Variants in ZFP2 observed in about 807,000 individuals in gnomAD.
ZFP2 encodes zinc finger protein ZFP2.
ZFP2 carries 33 observed loss-of-function variants against 36.1 expected under a neutral mutation model. That is an observed-to-expected ratio of 0.92 (90% CI 0.69 to 1.22). ZFP2 has a LOEUF of 1.22. ZFP2 is among the 50% of genes most tolerant of loss of function. The probability of loss-of-function intolerance (pLI) is 0.00; values close to 1 mark genes in which losing one functional copy is unlikely to be tolerated. For missense variants in ZFP2, 522 were observed against 551.4 expected, an observed-to-expected ratio of 0.95 and a Z score of 0.53; for synonymous variants, 170 against 178.0, an observed-to-expected ratio of 0.96 and a Z score of 0.36.
intron 4 of ZFP2, among the ~76,000 whole-genome samples, chr5:178,917,945 A>G (rs886501551): frequency 3.9e-5 from 6 of 152,354 alleles, no homozygotes; most frequent in African/African-American, 1.4e-4. Context: ...GCTTTCCCTT[A>G]GATAGTCCTA....
rs934726935 is a variant in ZFP2 at position 178,932,133 on chromosome 5, C to G, written c.820C>G (p.Gln274Glu). The change falls in exon 5 of 5, where the codon CAA becomes GAA. Residue 274 changes from glutamine to glutamate, a missense_variant. Transcript: ENST00000361362. ...TGGAGAAAAACCCTATGAGTGTAGT[C>G]AATGTGGAAAAGCCTTTAGTAAGAG... Reference protein sequence around the residue: ...HTGEKPYECSQCGKAFSKSST... With the variant: ...HTGEKPYECSECGKAFSKSST... 2 of 1,612,562 alleles carry G rather than the reference C, an allele frequency of 1.2e-6. No individual in the cohort carries two copies. The highest frequency in any genetic ancestry group is 2.7e-5 in the African/African-American group (2 of 74,824).
intron 1 of ZFP2, among the ~76,000 whole-genome samples, chr5:178,906,660 A>AT (rs1224684504): frequency 1.3e-5 from 2 of 151,416 alleles, no homozygotes; most frequent in East Asian, 3.9e-4. Flanking sequence ...GGTTCAAGTG[A>AT]TTTTCCAGCC....
At chr5:178,898,737 G>A (rs1456444376) in intron 1 of ZFP2, among the ~76,000 whole-genome samples, 1 of 152,170 alleles carries the variant, frequency 6.6e-6, no homozygotes, top group Non-Finnish European at 1.5e-5. Context: ...GGGCCTCACT[G>A]CTCAGGACAG....
intron 1 of ZFP2, among the ~76,000 whole-genome samples, chr5:178,903,786 G>A (rs953420309): frequency 1.3e-5 from 2 of 152,038 alleles, no homozygotes; most frequent in African/African-American, 2.4e-5. Context: ...TGGCCAATAC[G>A]GTGAAACTCC....
chr5:178,933,134 T>C lies in ZFP2; in HGVS notation c.*435T>C, dbSNP rs1179601995. The C allele has an allele frequency of 5.8e-6, 1 of 171,568 alleles. No homozygotes were observed. 10.6% of individuals were successfully genotyped at this position (171,568 alleles called of 1,614,324 possible). A position where few individuals can be genotyped will look rare whatever the true frequency, so the allele number is the denominator to read the frequency against. ...GGTTCTTTATTTGGTAAATGAATGA[T>C]TTTGGAGTTAGAAATCTTGTAGGAG... On this transcript the variant is annotated 3_prime_UTR_variant, in exon 5 of 5. Transcript: ENST00000361362.
At chr5:178,913,863 T>C (rs1429364492) in intron 3 of ZFP2, 1 of 149,634 alleles carries the variant, frequency 6.7e-6, no homozygotes, top group Non-Finnish European at 1.5e-5. Flanking sequence ...TTTTTCTTTT[T>C]TTTTTTTTTT....
Position 178,931,692 on chromosome 5 carries a change from G to T in ZFP2, c.379G>T (p.Glu127Ter). 6.2e-7 allele frequency: 1 copy of T among 1,614,182 alleles called. No individual in the cohort carries two copies. Among genetic ancestry groups the T allele is most frequent in the South Asian group, 1.1e-5 (1 of 91,082 alleles). The change falls in exon 5 of 5, where the codon GAG becomes TAG. Residue 127 changes from glutamate (E) to a stop codon, truncating the protein, a stop_gained. Transcript: ENST00000361362. LOFTEE classifies it high-confidence loss of function. ...LLKHQRIHTG[E>*]KPYKCNVCGK... ...TAAGCACCAGAGGATTCATACTGGG[G>T]AGAAACCCTATAAGTGTAATGTATG...
chr5:178,922,714 A>C, intron 4 of ZFP2: 1 of 1,578,198 alleles, frequency 6.3e-7, no homozygotes, highest in Non-Finnish European at 8.7e-7. Context: ...ACATACAAGA[A>C]CAATTAACTG....
chr5:178,901,775 G>GC (rs1242124559), intron 1 of ZFP2, among the ~76,000 whole-genome samples: 1 of 104,934 alleles, frequency 9.5e-6, no homozygotes, highest in Non-Finnish European at 2.3e-5. Context: ...GGTGGAAAAT[G>GC]CATCTTGTGG....
chr5:178,918,819 G>A (rs891917497), intron 4 of ZFP2, among the ~76,000 whole-genome samples: 1 of 152,148 alleles, frequency 6.6e-6, no homozygotes, highest in South Asian at 2.1e-4. Context: ...AATGCTTTGT[G>A]CTTTATAAAG....
At position 178,912,165 on chromosome 5, in the gene ZFP2, AAAG is replaced by A. The variant is rs538235325; in HGVS notation, c.-449-416_-449-414del. ...TAGGAAAGAGAAAGAAAAGAAAAGAAAAGAACGAGGGCTGGGCTGTGACTGTAT... is the reference window on the plus strand; with the variant it reads ...TAGGAAAGAGAAAGAAAAGAAAAGAAAACGAGGGCTGGGCTGTGACTGTAT... On this transcript the variant is annotated intron_variant, in intron 1 of 4. Coordinates refer to ENST00000361362, the MANE Select transcript of ZFP2 (RefSeq NM_030613.4). Among the ~76,000 whole-genome samples the A allele has an allele frequency of 1.3e-4, 20 of 152,296 alleles. No homozygotes were observed. In the South Asian group the frequency reaches 4.1e-3, roughly 32 times the overall value.
At chr5:178,903,783 T>G (rs956839966) in intron 1 of ZFP2, among the ~76,000 whole-genome samples, 11 of 152,100 alleles carry the variant, frequency 7.2e-5, no homozygotes, top group African/African-American at 2.7e-4. Context: ...TCCTGGCCAA[T>G]ACGGTGAAAC....
Position 178,931,305 on chromosome 5 carries a change from G to C in ZFP2, c.-9G>C. ...GGGTATTACTGAAGATTTATGCCAT[G>C]GGGTAACAATGGAAAGGGAAGGTAT... On this transcript the variant is annotated 5_prime_UTR_variant, in exon 5 of 5. An upstream start codon of the reference 5' UTR is lost. Coordinates refer to ENST00000361362, the MANE Select transcript of ZFP2 (RefSeq NM_030613.4). 6.3e-7 allele frequency: 1 copy of C among 1,575,676 alleles called. No homozygotes were observed. Among genetic ancestry groups the C allele is most frequent in the African/African-American group, 1.4e-5 (1 of 72,954 alleles).
In ZFP2 at chr5:178,922,089, T is replaced by A. The variant is rs944218381; in HGVS notation, c.-78+5379T>A. ...ATGAAAGATACCGATATCAAGAGAC[T>A]ACTGTATACCCATCTTTTATGCATA... On this transcript the variant is annotated intron_variant, in intron 4 of 4. Transcript: ENST00000361362. 4 of 1,063,222 alleles carry A rather than the reference T, an allele frequency of 3.8e-6. 1 individual carries two copies. Among genetic ancestry groups the A allele is most frequent in the Non-Finnish European group, 5.9e-6 (4 of 681,760 alleles). The allele number at this position is 1,063,222 out of a possible 1,614,324, so 65.9% of individuals were successfully genotyped here. A position where few individuals can be genotyped will look rare whatever the true frequency, so the allele number is the denominator to read the frequency against.
Position 178,929,787 on chromosome 5 carries a change from T to C in ZFP2, c.-77-1450T>C, listed in dbSNP as rs1481301232. Among the ~76,000 whole-genome samples the C allele has an allele frequency of 2.6e-5, 4 of 152,192 alleles. No homozygotes were observed. The East Asian group carries it at 7.7e-4, about 29-fold the overall frequency. On this transcript the variant is annotated intron_variant, in intron 4 of 4. Transcript: ENST00000361362. Reference sequence around the variant, plus strand: ...ACCTCCACATTTTCAGGTATCTTTATAGAAATTCTCCACTTCCCCGTACCA... The same window carrying C: ...ACCTCCACATTTTCAGGTATCTTTACAGAAATTCTCCACTTCCCCGTACCA...
intron 4 of ZFP2, among the ~76,000 whole-genome samples, chr5:178,929,119 C>G (rs910207748): frequency 6.6e-6 from 1 of 151,920 alleles, no homozygotes; most frequent in Admixed American, 6.6e-5. Flanking sequence ...GCACCGGGCC[C>G]TGGGCCTGGC....
At chr5:178,904,381 A>G (rs1331233740) in intron 1 of ZFP2, among the ~76,000 whole-genome samples, 1 of 152,138 alleles carries the variant, frequency 6.6e-6, no homozygotes, top group Non-Finnish European at 1.5e-5. Flanking sequence ...GGAACATGGT[A>G]GAGTGTCACT....
intron 4 of ZFP2, among the ~76,000 whole-genome samples, chr5:178,922,892 TG>T (rs1432755892): frequency 6.7e-6 from 1 of 149,450 alleles, no homozygotes; most frequent in East Asian, 1.9e-4. Context: ...ACCTTCTAGT[TG>T]AAATAAAGTA....
intron 4 of ZFP2, among the ~76,000 whole-genome samples, chr5:178,924,093 G>A (rs1221223235): frequency 1.3e-5 from 2 of 149,152 alleles, no homozygotes; most frequent in African/African-American, 2.4e-5. Flanking sequence ...AGAAACCTAC[G>A]CAAGGTGTGG....
Sources: gnomAD v4.1 joint callset for allele counts (sites outside exome capture counted in the v4.1 genomes callset) on GRCh38, gnomAD v4.1.1 for gene constraint, MANE v1.5 for transcripts, NCBI Gene and HGNC (gene_info 2026-07-23, HGNC 2026-07-21) for gene names.